The following PDE4D variants were observed in gnomAD, a reference collection of about 807,000 sequenced individuals.
PDE4D encodes 3',5'-cyclic-AMP phosphodiesterase 4D.
PDE4D carries 24 observed loss-of-function variants against 87.4 expected under a neutral mutation model. The ratio of observed to expected loss-of-function variants is 0.27; its 90% CI spans 0.20 to 0.39. PDE4D has a LOEUF of 0.39. Among genes scored for constraint, PDE4D ranks in the 10% least tolerant of loss-of-function variants. The pLI, the probability that PDE4D is intolerant of heterozygous loss-of-function variation, is 1.00. For missense variants in PDE4D, 714 were observed against 1,041.0 expected, an observed-to-expected ratio of 0.69 and a Z score of 4.32; for synonymous variants, 384 against 383.2, an observed-to-expected ratio of 1.00 and a Z score of -0.02.
chr5:60,446,476 A>G (rs550737076), intron 1 of PDE4D, among the ~76,000 whole-genome samples: 10 of 152,210 alleles, frequency 6.6e-5, no homozygotes, highest in East Asian at 3.9e-4. Flanking sequence ...AATGGGGGGG[A>G]AAACAGACTT....
At chr5:59,138,846 A>T (rs190058629) in intron 5 of PDE4D, among the ~76,000 whole-genome samples, 2 of 152,358 alleles carry the variant, frequency 1.3e-5, no homozygotes, top group African/African-American at 4.8e-5. Context: ...AGGATACATT[A>T]AGGAAGACAG....
intron 3 of PDE4D, among the ~76,000 whole-genome samples, chr5:59,979,587 T>C (rs1407553413): frequency 2.0e-5 from 3 of 152,142 alleles, no homozygotes; most frequent in Non-Finnish European, 4.4e-5. Context: ...TCAGTGTAAA[T>C]GATGCTAATC....
At chr5:59,306,361 A>G (rs1020045668) in intron 1 of PDE4D, among the ~76,000 whole-genome samples, 1 of 152,180 alleles carries the variant, frequency 6.6e-6, no homozygotes, top group African/African-American at 2.4e-5. Flanking sequence ...TGCATCTTTT[A>G]AGTGGAGCAT....
At chr5:59,613,487 A>G (rs906794912) in intron 1 of PDE4D, among the ~76,000 whole-genome samples, 1 of 152,148 alleles carries the variant, frequency 6.6e-6, no homozygotes, top group African/African-American at 2.4e-5. Context: ...ATGAGGTGTA[A>G]GAGATACGCA....
In PDE4D at chr5:60,109,306, A is replaced by G. The variant is rs567901248; in HGVS notation, c.42+76251T>C. The stretch of plus-strand genomic sequence containing the variant: ...CAGAGGAATGCAAATCAAAACCACA[A>G]TGAGATACCATCTCACACCAGTTAG... On this transcript the variant is annotated intron_variant, in intron 2 of 16. Coordinates refer to the PDE4D transcript ENST00000502484. Among the ~76,000 whole-genome samples, 7 of 152,332 alleles carry G rather than the reference A, an allele frequency of 4.6e-5. 1 individual carries two copies. The highest frequency in any genetic ancestry group is 6.8e-3 in the Middle Eastern group (2 of 294).
At chr5:59,873,837 AAG>A (rs977453215) in intron 1 of PDE4D, among the ~76,000 whole-genome samples, 3 of 152,196 alleles carry the variant, frequency 2.0e-5, no homozygotes, top group African/African-American at 4.8e-5. Flanking sequence ...AAAAATCAAA[AAG>A]AGTTGTTGAA....
intron 1 of PDE4D, among the ~76,000 whole-genome samples, chr5:59,283,574 T>TC (rs1766262312): frequency 6.6e-6 from 1 of 152,136 alleles, no homozygotes; most frequent in Admixed American, 6.5e-5. Context: ...AACTAATTTT[T>TC]CCCACCCTAT....
At chr5:59,855,929 A>T (rs1055890080) in intron 1 of PDE4D, among the ~76,000 whole-genome samples, 9 of 152,182 alleles carry the variant, frequency 5.9e-5, no homozygotes, top group African/African-American at 2.2e-4. Context: ...TGATGCAGGC[A>T]ATCTTTTTTT....
At chr5:58,989,629 T>C (rs541970839) in intron 10 of PDE4D, 126 bp downstream of exon 10, 49 of 581,870 alleles carry the variant, frequency 8.4e-5, no homozygotes, top group South Asian at 2.9e-4. Context: ...TTTTCCCCCA[T>C]AAGTCAATAA....
At chr5:60,229,365 A>C (rs112062828) in intron 1 of PDE4D, among the ~76,000 whole-genome samples, 2,134 of 152,234 alleles carry the variant, frequency 0.014, 25 homozygotes, top group Middle Eastern at 0.034. Context: ...CAAGGTTAAC[A>C]TATCTATTTT....
chr5:59,796,846 T>C (rs1479687135), intron 1 of PDE4D, among the ~76,000 whole-genome samples: 1 of 152,154 alleles, frequency 6.6e-6, no homozygotes, highest in Non-Finnish European at 1.5e-5. Flanking sequence ...CACTAAGCTA[T>C]CTAGTTATGC....
chr5:59,675,727 T>C (rs1414875778), intron 1 of PDE4D, among the ~76,000 whole-genome samples: 1 of 151,042 alleles, frequency 6.6e-6, no homozygotes, highest in East Asian at 1.9e-4. Flanking sequence ...TCTCACTCTG[T>C]CACCCAGGCT....
At chr5:59,993,709 GT>G (rs1763243870) in intron 2 of PDE4D, among the ~76,000 whole-genome samples, 2 of 151,882 alleles carry the variant, frequency 1.3e-5, no homozygotes, top group African/African-American at 4.8e-5. Flanking sequence ...AAGATGTCTT[GT>G]TTTTCAATTT....
chr5:59,042,711 A>G (rs1359911391), intron 5 of PDE4D, among the ~76,000 whole-genome samples: 2 of 152,176 alleles, frequency 1.3e-5, no homozygotes, highest in Non-Finnish European at 2.9e-5. Flanking sequence ...CAACAGCATC[A>G]GTTTTCTTCA....
intron 2 of PDE4D, among the ~76,000 whole-genome samples, chr5:60,001,088 T>C (rs1249945556): frequency 6.6e-6 from 1 of 152,140 alleles, no homozygotes; most frequent in Non-Finnish European, 1.5e-5. Flanking sequence ...GAAGCAGCAG[T>C]GACTTAGTTC....
chr5:60,444,271 A>G (rs1745465596), intron 1 of PDE4D, among the ~76,000 whole-genome samples: 1 of 151,984 alleles, frequency 6.6e-6, no homozygotes, highest in African/African-American at 2.4e-5. Flanking sequence ...TTTTTTTCTT[A>G]TGCAGTTACT....
chr5:60,338,280 G>A lies in PDE4D; in HGVS notation c.-90+149662C>T, dbSNP rs148934702. Among the ~76,000 whole-genome samples the A allele has an allele frequency of 4.6e-5, 7 of 152,312 alleles. No individual in the cohort carries two copies. The East Asian group carries it at 9.7e-4, about 21-fold the overall frequency. On this transcript the variant is annotated intron_variant, in intron 1 of 16. Transcript: ENST00000502484. ...ACATGCAGGTTCAGACTCAGTAGAA[G>A]TCTTCATCACTAAGGACAGAAAATG...
chr5:60,276,476 C>G (rs958519427), intron 1 of PDE4D, among the ~76,000 whole-genome samples: 2 of 152,132 alleles, frequency 1.3e-5, no homozygotes, highest in Non-Finnish European at 2.9e-5. Context: ...AGACAGCAAC[C>G]TACTCTTGTA....
chr5:60,333,559 C>T (rs1352611334), intron 1 of PDE4D, among the ~76,000 whole-genome samples: 1 of 152,144 alleles, frequency 6.6e-6, no homozygotes, highest in East Asian at 1.9e-4. Context: ...AATATGGTTC[C>T]AACTCTGTGT....
Sources: allele counts gnomAD v4.1 joint callset (sites outside exome capture counted in the v4.1 genomes callset), GRCh38; gene constraint gnomAD v4.1.1; transcripts MANE v1.5; gene names NCBI Gene and HGNC (gene_info 2026-07-23, HGNC 2026-07-21).